Variants in SH3RF1 observed in about 807,000 individuals in gnomAD.
SH3RF1 encodes the protein E3 ubiquitin-protein ligase SH3RF1.
Under a neutral mutation model 74.0 loss-of-function variants are expected in SH3RF1, and 32 were observed. That is an observed-to-expected ratio of 0.43 (90% CI 0.33 to 0.58). SH3RF1 has a LOEUF of 0.58. Ranked by LOEUF, SH3RF1 falls within the 20% of genes least tolerant of loss-of-function variation. The probability of loss-of-function intolerance (pLI) is 0.05; values close to 1 mark genes in which losing one functional copy is unlikely to be tolerated. For synonymous variants in SH3RF1, 396 were observed against 439.6 expected (o/e 0.90, Z 1.24); for missense variants, 954 against 1,130.9 (o/e 0.84, Z 2.24).
chr4:169,100,924 G>C (rs1193483741), intron 11 of SH3RF1, among the ~76,000 whole-genome samples: 2 of 152,090 alleles, frequency 1.3e-5, no homozygotes, highest in Non-Finnish European at 2.9e-5. Context: ...CTCCTTTGAC[G>C]CTATCTCTCC....
intron 2 of SH3RF1, among the ~76,000 whole-genome samples, chr4:169,199,225 T>A (rs1234320218): frequency 6.6e-6 from 1 of 152,178 alleles, no homozygotes; most frequent in African/African-American, 2.4e-5. Flanking sequence ...CATGGACAAT[T>A]TCAAAGGTAC....
rs144400089 is a variant in SH3RF1, at chr4:169,264,326, C to T, written c.393+4494G>A. ...CTCATCTCCTCTTCTTATAAGAACA[C>T]TGGTCTTACTGGATTAGGGCCCATG... On this transcript the variant is annotated intron_variant, in intron 2 of 11. Transcript: ENST00000284637. Among the ~76,000 whole-genome samples the T allele has an allele frequency of 2.1e-3, 314 of 152,248 alleles. 4 individuals carry two copies. The highest frequency in any genetic ancestry group is 1.2e-3 in the Non-Finnish European group (83 of 68,012).
intron 10 of SH3RF1, among the ~76,000 whole-genome samples, chr4:169,115,914 T>C (rs191248775): frequency 5.9e-5 from 9 of 152,236 alleles, no homozygotes; most frequent in African/African-American, 2.2e-4. Context: ...AGCAAAATGA[T>C]GAAAGAATGA....
At chr4:169,259,699 G>A (rs1175740441) in intron 2 of SH3RF1, among the ~76,000 whole-genome samples, 1 of 152,036 alleles carries the variant, frequency 6.6e-6, no homozygotes, top group Non-Finnish European at 1.5e-5. Flanking sequence ...CTAAATGAGG[G>A]AGCCTTACCA....
At chr4:169,112,940 T>G (rs1437291694) in intron 10 of SH3RF1, among the ~76,000 whole-genome samples, 3 of 151,974 alleles carry the variant, frequency 2.0e-5, no homozygotes, top group African/African-American at 7.3e-5. Context: ...GGGAAATGAG[T>G]GAAGAGTTGG....
At chr4:169,157,776 C>G (rs1434202095) in intron 2 of SH3RF1, among the ~76,000 whole-genome samples, 2 of 148,344 alleles carry the variant, frequency 1.3e-5, no homozygotes, top group Admixed American at 1.4e-4. Flanking sequence ...GAGTCTTGCT[C>G]TGTTGCCCAG....
chr4:169,095,032 T>G lies in SH3RF1; in HGVS notation c.*1487A>C, dbSNP rs767917791. 1 of 152,650 alleles carries G rather than the reference T, an allele frequency of 6.6e-6. No homozygotes were observed. The highest frequency in any genetic ancestry group is 1.9e-4 in the East Asian group (1 of 5,190). 9.5% of individuals were successfully genotyped at this position (152,650 alleles called of 1,614,324 possible). ...TTGTTTTCCGGACTACCCAGATCCA[T>G]GACTGCGTGGCACCGTAATGAAATC... is the stretch of plus-strand genomic sequence containing the variant. On this transcript the variant is annotated 3_prime_UTR_variant, in exon 12 of 12. Coordinates refer to ENST00000284637, the MANE Select transcript of SH3RF1 (RefSeq NM_020870.4).
At chr4:169,128,290 A>G (rs1420714923) in intron 6 of SH3RF1, among the ~76,000 whole-genome samples, 1 of 152,190 alleles carries the variant, frequency 6.6e-6, no homozygotes, top group Non-Finnish European at 1.5e-5. Flanking sequence ...TCCAGGGCTA[A>G]TAGAATCTCA....
chr4:169,094,534 A>G lies in SH3RF1; in HGVS notation c.*1985T>C, dbSNP rs1421932350. 6.6e-6 allele frequency: 1 copy of G among 152,170 alleles called. No individual in the cohort carries two copies. The highest frequency in any genetic ancestry group is 2.4e-5 in the African/African-American group (1 of 41,446). The allele number at this position is 152,170 out of a possible 1,614,324, so 9.4% of individuals were successfully genotyped here. ...TCACATAGCTTAAAATATGGAGAAA[A>G]GACAGGTAAAAAAATTATCTTAACC... On this transcript the variant is annotated 3_prime_UTR_variant, in exon 12 of 12. Transcript: ENST00000284637.
Position 169,268,831 on chromosome 4 carries a change from G to A in SH3RF1, c.382C>T (p.Pro128Ser). 2 of 1,594,750 alleles carry A rather than the reference G, an allele frequency of 1.3e-6. No homozygotes were observed. Among genetic ancestry groups the A allele is most frequent in the Non-Finnish European group, 8.5e-7 (1 of 1,171,968 alleles). ...GQQPRVQSWS[P>S]PVRGIPQLPC... Reference sequence around the variant, plus strand: ...TGTAGGCTACTTACCCTCACTGGGGGGCTCCAGGATTGCACCCGAGGCTGC... The same window carrying A: ...TGTAGGCTACTTACCCTCACTGGGGAGCTCCAGGATTGCACCCGAGGCTGC... Residue 128 changes from proline (P) to serine (S), a missense_variant, in exon 2 of 12, where the codon CCC (proline) becomes TCC (serine). By Grantham distance (74) the Pro-to-Ser change is moderately conservative. Coordinates refer to ENST00000284637, the MANE Select transcript of SH3RF1 (RefSeq NM_020870.4).
chr4:169,097,506 C>T (rs1309450643), intron 11 of SH3RF1, among the ~76,000 whole-genome samples: 1 of 152,192 alleles, frequency 6.6e-6, no homozygotes, highest in African/African-American at 2.4e-5. Flanking sequence ...ATTATCTGTG[C>T]CCCTGCCTCC....
chr4:169,159,073 G>T (rs997966938), intron 2 of SH3RF1, among the ~76,000 whole-genome samples: 6 of 152,072 alleles, frequency 3.9e-5, no homozygotes, highest in Non-Finnish European at 7.4e-5. Flanking sequence ...TCTGTCTTAA[G>T]ATCTGGCCTC....
At chr4:169,264,453 T>G (rs1265137845) in intron 2 of SH3RF1, among the ~76,000 whole-genome samples, 1 of 152,200 alleles carries the variant, frequency 6.6e-6, no homozygotes, top group East Asian at 1.9e-4. Flanking sequence ...GTAGCAATGT[T>G]GGGGGACATA....
chr4:169,111,431 A>AT lies in SH3RF1; in HGVS notation c.2140-4227dup, dbSNP rs113377416. Among the ~76,000 whole-genome samples the AT allele has an allele frequency of 1.3e-3, 191 of 142,956 alleles. 1 individual carries two copies. Among genetic ancestry groups the AT allele is most frequent in the South Asian group, 3.6e-3 (16 of 4,500 alleles). The allele number at this position is 142,956 out of a possible 152,430, so 93.8% of individuals were successfully genotyped here. A position where few individuals can be genotyped will look rare whatever the true frequency, so the allele number is the denominator to read the frequency against. ...CACCATGCCCAGCTAATTAAAAATA[A>AT]TTTTTTTTTTTTTGGTAGAGATAGG... On this transcript the variant is annotated intron_variant, in intron 10 of 11. Transcript: ENST00000284637.
Position 169,232,935 on chromosome 4 carries a change from C to T in SH3RF1, c.393+35885G>A, listed in dbSNP as rs184204239. 2.3e-3 allele frequency among the ~76,000 whole-genome samples: 351 copies of T among 152,130 alleles called. 1 individual carries two copies. Among genetic ancestry groups the T allele is most frequent in the Middle Eastern group, 6.8e-3 (2 of 294 alleles). ...TGCCTGGTTGTAAATATCAAGCCTT[C>T]GTATGCAGCAGATTATATTAATGGT... On this transcript the variant is annotated intron_variant, in intron 2 of 11. Coordinates refer to ENST00000284637, the MANE Select transcript of SH3RF1 (RefSeq NM_020870.4).
At chr4:169,123,657 T>C (rs969705990) in intron 6 of SH3RF1, among the ~76,000 whole-genome samples, 15 of 152,132 alleles carry the variant, frequency 9.9e-5, no homozygotes, top group African/African-American at 3.6e-4. Flanking sequence ...TTTGGGAGGC[T>C]GAGGCGGGCG....
At chr4:169,174,202 C>T (rs1467447614) in intron 2 of SH3RF1, among the ~76,000 whole-genome samples, 1 of 152,128 alleles carries the variant, frequency 6.6e-6, no homozygotes, top group Non-Finnish European at 1.5e-5. Context: ...GCTGTGACTA[C>T]AGGCACGTAC....
chr4:169,268,799 C>A (rs760548362), intron 2 of SH3RF1, 21 bp downstream of exon 2: 98 of 1,535,494 alleles, frequency 6.4e-5, no homozygotes, highest in Non-Finnish European at 8.5e-5. Flanking sequence ...ATTCACCAAA[C>A]TACCTCTGTA....
chr4:169,142,367 G>GT (rs1157036836), intron 4 of SH3RF1, among the ~76,000 whole-genome samples: 1 of 152,074 alleles, frequency 6.6e-6, no homozygotes, highest in Non-Finnish European at 1.5e-5. Context: ...TTATTTATCA[G>GT]TTTTTTTCCA....
Sources: gnomAD v4.1 joint callset for allele counts (sites outside exome capture counted in the v4.1 genomes callset) on GRCh38, gnomAD v4.1.1 for gene constraint, MANE v1.5 for transcripts, NCBI Gene and HGNC (gene_info 2026-07-23, HGNC 2026-07-21) for gene names.